Variants in IDE observed in about 807,000 individuals in gnomAD.
The protein encoded by IDE is insulin degrading enzyme.
In IDE, 58 loss-of-function variants were observed where a neutral mutation model predicts 133.2. The observed-to-expected ratio is 0.44, with a 90% CI of 0.35 to 0.54. The LOEUF (loss-of-function observed/expected upper bound fraction) is 0.54, where lower values mean the gene tolerates loss of function less well. IDE is among the 20% of genes least tolerant of loss of function. The probability of loss-of-function intolerance (pLI) is 0.00; values close to 1 mark genes in which losing one functional copy is unlikely to be tolerated. For synonymous variants in IDE, 396 were observed against 421.3 expected (o/e 0.94, Z 0.73); for missense variants, 981 against 1,234.0 (o/e 0.79, Z 3.07).
intron 1 of IDE, among the ~76,000 whole-genome samples, chr10:92,550,650 C>CAAAAAAAAAAA (rs71028826): frequency 1.7e-5 from 1 of 57,426 alleles, no homozygotes; most frequent in African/African-American, 8.4e-5. Flanking sequence ...GACTCCGTCT[C>CAAAAAAAAAAA]AAAAAAAAAA....
chr10:92,520,903 T>C (rs759280648), intron 4 of IDE, among the ~76,000 whole-genome samples: 4 of 152,218 alleles, frequency 2.6e-5, no homozygotes, highest in Non-Finnish European at 5.9e-5. Flanking sequence ...ATGGAAAAGC[T>C]AAGGGAACAA....
intron 5 of IDE, among the ~76,000 whole-genome samples, chr10:92,510,519 T>A (rs1010503729): frequency 6.6e-6 from 1 of 152,104 alleles, no homozygotes; most frequent in Non-Finnish European, 1.5e-5. Flanking sequence ...TAAAATTATC[T>A]TTTGTGCCTT....
Position 92,508,888 on chromosome 10 carries a change from T to C in IDE, c.900A>G (p.Gln300=), listed in dbSNP as rs748793530. The change falls in exon 7 of 25, where the codon CAA becomes CAG. Residue 300 remains glutamine (Q), a splice_region_variant and synonymous_variant. Transcript: ENST00000265986. ...EHPFQEEHLK[Q]LYKIVPIKDI... is the part of the protein sequence containing the mutation. ...CTTTAATGGGTACTATTTTGTAAAG[T>C]TGCTGGAGAAAACAAATCACAGAGA... 3.7e-6 allele frequency: 6 copies of C among 1,610,744 alleles called. No individual in the cohort carries two copies. The highest frequency in any genetic ancestry group is 5.1e-6 in the Non-Finnish European group (6 of 1,176,976).
chr10:92,458,968 A>G (rs1036974202), intron 22 of IDE, among the ~76,000 whole-genome samples: 3 of 152,120 alleles, frequency 2.0e-5, no homozygotes, highest in African/African-American at 7.2e-5. Context: ...CCTCTATACA[A>G]TGCAAAGGAA....
intron 6 of IDE, among the ~76,000 whole-genome samples, chr10:92,509,258 A>T (rs1004602148): frequency 1.3e-5 from 2 of 152,188 alleles, no homozygotes; most frequent in Middle Eastern, 3.2e-3. Context: ...TCATGATCCT[A>T]ATAAATGTGA....
chr10:92,536,039 GA>G (rs879272834), intron 2 of IDE, among the ~76,000 whole-genome samples: 107 of 135,068 alleles, frequency 7.9e-4, no homozygotes, highest in Middle Eastern at 3.9e-3. Context: ...CTGTCTCAGA[GA>G]AAAAAAAAAA....
intron 1 of IDE, among the ~76,000 whole-genome samples, chr10:92,550,852 G>A (rs1046209155): frequency 6.6e-6 from 1 of 152,126 alleles, no homozygotes; most frequent in African/African-American, 2.4e-5. Flanking sequence ...CCTGGCAACA[G>A]AGCGAGACTC....
intron 11 of IDE, among the ~76,000 whole-genome samples, chr10:92,493,385 C>A (rs1321854204): frequency 6.6e-6 from 1 of 151,196 alleles, no homozygotes; most frequent in Non-Finnish European, 1.5e-5. Context: ...CCATGAAACG[C>A]TTGATTTCTT....
Position 92,455,642 on chromosome 10 carries a change from A to G in IDE, c.2898T>C (p.Cys966=). ...VHVLAREMDS[C]PVVGEFPCQN... ...GACATGGGAACTCTCCAACAACAGG[A>G]CCTATAAGAAAATAAAAGGTTTAAT... The change falls in exon 24 of 25, where the codon TGT becomes TGC. Residue 966 remains cysteine (C), a splice_region_variant and synonymous_variant. Transcript: ENST00000265986. The G allele has an allele frequency of 2.5e-6, 4 of 1,571,240 alleles. No individual in the cohort carries two copies. Among genetic ancestry groups the G allele is most frequent in the Non-Finnish European group, 2.6e-6 (3 of 1,142,158 alleles).
intron 17 of IDE, among the ~76,000 whole-genome samples, chr10:92,471,038 C>T (rs1307566873): frequency 1.3e-5 from 2 of 152,128 alleles, no homozygotes; most frequent in African/African-American, 2.4e-5. Flanking sequence ...TTTGTAATTA[C>T]TAAATATTTA....
At position 92,573,992 on chromosome 10, in the gene IDE, G is replaced by A. The variant is rs1354812671; in HGVS notation, c.28C>T (p.His10Tyr). 2 of 1,511,318 alleles carry A rather than the reference G, an allele frequency of 1.3e-6. No homozygotes were observed. The highest frequency in any genetic ancestry group is 8.8e-7 in the Non-Finnish European group (1 of 1,132,130). The allele number at this position is 1,511,318 out of a possible 1,614,324, so 93.6% of individuals were successfully genotyped here. A position where few individuals can be genotyped will look rare whatever the true frequency, so the allele number is the denominator to read the frequency against. MRYRLAWLL[H>Y]PALPSTFRSV... ...CGGAAGGTGCTGGGCAGTGCGGGGTGCAGAAGCCACGCTAGCCGGTACCGC... is the reference window on the plus strand; with the variant it reads ...CGGAAGGTGCTGGGCAGTGCGGGGTACAGAAGCCACGCTAGCCGGTACCGC... The change falls in exon 1 of 25, where the codon CAC (histidine) becomes TAC (tyrosine). Residue 10 changes from histidine (H) to tyrosine (Y), a missense_variant. Transcript: ENST00000265986.
chr10:92,573,150 C>T, intron 1 of IDE: 1 of 985,436 alleles, frequency 1.0e-6, no homozygotes, highest in Non-Finnish European at 1.2e-6. Flanking sequence ...CACTACAAGC[C>T]TGAAAACGCC....
intron 4 of IDE, among the ~76,000 whole-genome samples, chr10:92,525,352 GA>G (rs1849567289): frequency 6.6e-6 from 1 of 152,186 alleles, no homozygotes; most frequent in African/African-American, 2.4e-5. Context: ...ATCACTTCAT[GA>G]TAAACGTTCT....
At chr10:92,507,808 C>T (rs747455844) in intron 8 of IDE, 142 bp from the exon 9 acceptor site, 32 of 646,516 alleles carry the variant, frequency 4.9e-5, no homozygotes, top group African/African-American at 1.1e-4. Context: ...ACTGGCTTTA[C>T]GTGTCCCACA....
intron 14 of IDE, 106 bp downstream of exon 14, chr10:92,483,149 T>C (rs953567629): frequency 1.4e-5 from 9 of 628,298 alleles, no homozygotes; most frequent in Non-Finnish European, 2.5e-5. Context: ...GAAATAACTC[T>C]AATTCCTTTT....
rs374164549 is a variant in IDE, at chr10:92,564,606, A to AG, written c.98+9315dup. 7.9e-3 allele frequency among the ~76,000 whole-genome samples: 1,086 copies of AG among 137,776 alleles called. 14 individuals carry two copies. Among genetic ancestry groups the AG allele is most frequent in the African/African-American group, 0.027 (1,038 of 38,122 alleles). The allele number at this position is 137,776 out of a possible 152,430, so 90.4% of individuals were successfully genotyped here. On this transcript the variant is annotated intron_variant, in intron 1 of 24. Coordinates refer to ENST00000265986, the MANE Select transcript of IDE (RefSeq NM_004969.4). ...AGGAGAATGCTTGAACACGAGAGAC[A>AG]GGGGTTGCAGTAAGCCGAGACTGCG...
At chr10:92,498,198 A>C (rs1847819208) in intron 11 of IDE, among the ~76,000 whole-genome samples, 1 of 152,208 alleles carries the variant, frequency 6.6e-6, no homozygotes, top group Non-Finnish European at 1.5e-5. Flanking sequence ...CCCTTTCAGG[A>C]CTGTCAACTC....
intron 4 of IDE, among the ~76,000 whole-genome samples, chr10:92,518,129 T>C (rs916065471): frequency 8.5e-5 from 13 of 152,068 alleles, no homozygotes; most frequent in African/African-American, 3.1e-4. Flanking sequence ...AAGGTGAAAT[T>C]TGAGTATTGA....
intron 11 of IDE, among the ~76,000 whole-genome samples, chr10:92,502,128 C>T (rs931683168): frequency 1.3e-5 from 2 of 152,106 alleles, no homozygotes; most frequent in Admixed American, 6.5e-5. Context: ...GGTGACAATG[C>T]AAGACCCTGT....
Sources: gnomAD v4.1 joint callset for allele counts (sites outside exome capture counted in the v4.1 genomes callset) on GRCh38, gnomAD v4.1.1 for gene constraint, MANE v1.5 for transcripts, NCBI Gene and HGNC (gene_info 2026-07-23, HGNC 2026-07-21) for gene names.